ADAMTS20: variants seen among roughly 807,000 people sequenced by gnomAD.
The protein encoded by ADAMTS20 is A disintegrin and metalloproteinase with thrombospondin motifs 20.
Under a neutral mutation model 260.1 loss-of-function variants are expected in ADAMTS20, and 225 were observed. That is an observed-to-expected ratio of 0.87 (90% CI 0.78 to 0.97). The LOEUF is 0.97. Among genes scored for constraint, ADAMTS20 ranks in the 50% least tolerant of loss-of-function variants. The pLI is 0.00. For missense variants in ADAMTS20, 2,400 were observed against 2,337.7 expected (o/e 1.03, Z -0.55); for synonymous variants, 802 against 769.5 (o/e 1.04, Z -0.70).
Position 43,493,177 on chromosome 12 carries a change from CG to C in ADAMTS20, c.943del (p.Arg315ValfsTer16). 6.4e-7 allele frequency: 1 copy of C among 1,558,624 alleles called. No individual in the cohort carries two copies. The highest frequency in any genetic ancestry group is 1.2e-5 in the South Asian group (1 of 84,568). On this transcript the variant is annotated frameshift_variant, in exon 5 of 39. Transcript: ENST00000389420. LOFTEE classifies it high-confidence loss of function. ...TTTAGACCTGTTTCTTACCTCCTCA[CG>C]GTGAATCATAACTAATTTTACCACT... The part of the protein sequence containing the change: ...IVVVKLVMIH[R>X]EEEGPVINFD...
At chr12:43,409,620 A>AAAAAAC (rs1940992507) in intron 28 of ADAMTS20, among the ~76,000 whole-genome samples, 2 of 147,662 alleles carry the variant, frequency 1.4e-5, no homozygotes, top group African/African-American at 5.1e-5. Context: ...AAAAAAAAAA[A>AAAAAAC]AAAAAAAAAA....
intron 29 of ADAMTS20, among the ~76,000 whole-genome samples, chr12:43,396,234 AAG>A (rs1940700579): frequency 6.6e-6 from 1 of 152,214 alleles, no homozygotes; most frequent in Non-Finnish European, 1.5e-5. Flanking sequence ...ATATCAAATG[AAG>A]AGTGTTCCTT....
chr12:43,385,309 T>C (rs773594789), intron 29 of ADAMTS20, among the ~76,000 whole-genome samples: 7 of 152,240 alleles, frequency 4.6e-5, no homozygotes, highest in East Asian at 1.9e-4. Flanking sequence ...GGTTGCTTTT[T>C]TCTTGTAAAT....
chr12:43,439,850 C>T, intron 17 of ADAMTS20, 47 bp downstream of exon 17: 1 of 1,567,954 alleles, frequency 6.4e-7, no homozygotes, highest in South Asian at 1.2e-5. Flanking sequence ...CAGTAGTTTA[C>T]TAATATAATT....
intron 2 of ADAMTS20, among the ~76,000 whole-genome samples, chr12:43,537,252 A>G (rs1488232281): frequency 1.3e-5 from 2 of 151,182 alleles, no homozygotes; most frequent in African/African-American, 4.9e-5. Context: ...ATGGGGTTTC[A>G]CTATGTTGCC....
intron 7 of ADAMTS20, among the ~76,000 whole-genome samples, chr12:43,476,115 C>A (rs1942349244): frequency 1.3e-5 from 1 of 75,052 alleles, no homozygotes; most frequent in African/African-American, 5.2e-5. Context: ...GGCTAATATC[C>A]AGAATCTACA....
chr12:43,360,765 AGG>A (rs1939850550), intron 37 of ADAMTS20, among the ~76,000 whole-genome samples: 1 of 152,214 alleles, frequency 6.6e-6, no homozygotes, highest in Non-Finnish European at 1.5e-5. Flanking sequence ...AACAAAAGTA[AGG>A]ACATGATCTA....
intron 10 of ADAMTS20, among the ~76,000 whole-genome samples, chr12:43,463,986 A>T (rs1050170551): frequency 6.6e-6 from 1 of 152,152 alleles, no homozygotes; most frequent in Non-Finnish European, 1.5e-5. Context: ...AAGCAGTGAC[A>T]TTTATTCTAA....
rs1565549822 is a variant in ADAMTS20, at chr12:43,439,948, T to C, written c.2412A>G (p.Ala804=). 3 of 1,604,290 alleles carry C rather than the reference T, an allele frequency of 1.9e-6. No homozygotes were observed. The highest frequency in any genetic ancestry group is 2.6e-6 in the Non-Finnish European group (3 of 1,174,314). Residue 804 remains alanine, a synonymous_variant, in exon 17 of 39, where the codon GCA becomes GCG. Transcript: ENST00000389420. ...TVIEYSGSNN[A]VERINSTNRQ... is the part of the protein sequence containing the mutation. ...GATTAGTACTATTAATTCTTTCAAC[T>C]GCGTTATTTGATCCACTGTATTCAA...
chr12:43,526,876 C>CA (rs918524273), intron 3 of ADAMTS20, among the ~76,000 whole-genome samples: 23 of 149,726 alleles, frequency 1.5e-4, no homozygotes, highest in African/African-American at 2.2e-4. Context: ...AAAAACAATA[C>CA]AAAAAAAAAT....
chr12:43,400,605 A>G (rs1452410856), intron 28 of ADAMTS20, among the ~76,000 whole-genome samples: 4 of 151,962 alleles, frequency 2.6e-5, no homozygotes. Flanking sequence ...CTATTGATCT[A>G]GACCTACCTA....
chr12:43,531,277 G>C (rs1267386026), intron 3 of ADAMTS20, among the ~76,000 whole-genome samples: 3 of 151,736 alleles, frequency 2.0e-5, no homozygotes, highest in Non-Finnish European at 1.5e-5. Flanking sequence ...ATGCAAAATT[G>C]AGCAATGTGT....
At chr12:43,444,027 T>C (rs758729338) in intron 15 of ADAMTS20, 144 bp from the exon 16 acceptor site, 7 of 603,636 alleles carry the variant, frequency 1.2e-5, no homozygotes, top group Non-Finnish European at 2.1e-5. Context: ...GGTTATTCTT[T>C]TTGAGTCAGT....
In ADAMTS20 at chr12:43,427,291, A is replaced by G; in HGVS notation, c.4107+17T>C. On this transcript the variant is annotated intron_variant, in intron 27 of 38. Coordinates refer to ENST00000389420, the MANE Select transcript of ADAMTS20 (RefSeq NM_025003.5). ...AGATGTAATAATCTCACAAGTTTAG[A>G]AAATATTATGACTTACTTCTCCCCA... The G allele has an allele frequency of 6.2e-7, 1 of 1,610,074 alleles. No individual in the cohort carries two copies. The highest frequency in any genetic ancestry group is 1.1e-5 in the South Asian group (1 of 90,544).
At chr12:43,509,588 T>G (rs118163409) in intron 3 of ADAMTS20, among the ~76,000 whole-genome samples, 2 of 152,070 alleles carry the variant, frequency 1.3e-5, no homozygotes, top group Non-Finnish European at 2.9e-5. Context: ...AATAAAAATA[T>G]ATGTCATATA....
At chr12:43,376,911 T>A (rs1000239001) in intron 32 of ADAMTS20, among the ~76,000 whole-genome samples, 14 of 152,248 alleles carry the variant, frequency 9.2e-5, no homozygotes, top group African/African-American at 3.4e-4. Flanking sequence ...CAATACATTG[T>A]AAATACTTAA....
At chr12:43,406,642 C>G (rs1940925406) in intron 28 of ADAMTS20, among the ~76,000 whole-genome samples, 1 of 151,920 alleles carries the variant, frequency 6.6e-6, no homozygotes, top group African/African-American at 2.4e-5. Context: ...AACAAAGAGG[C>G]TATATCTAAA....
At chr12:43,509,992 T>C (rs1942900486) in intron 3 of ADAMTS20, among the ~76,000 whole-genome samples, 1 of 152,148 alleles carries the variant, frequency 6.6e-6, no homozygotes, top group Non-Finnish European at 1.5e-5. Context: ...ATGAAAGCCT[T>C]GCATAACTGA....
intron 28 of ADAMTS20, among the ~76,000 whole-genome samples, chr12:43,399,793 G>C (rs1430142462): frequency 6.6e-6 from 1 of 151,998 alleles, no homozygotes; most frequent in Non-Finnish European, 1.5e-5. Flanking sequence ...TCGGCCTTCT[G>C]ATTTATTTAG....
Sources: allele counts gnomAD v4.1 joint callset (sites outside exome capture counted in the v4.1 genomes callset), GRCh38; gene constraint gnomAD v4.1.1; transcripts MANE v1.5; gene names NCBI Gene and HGNC (gene_info 2026-07-23, HGNC 2026-07-21).